LZTR1: variants seen among roughly 807,000 people sequenced by gnomAD.
The protein encoded by LZTR1 is leucine zipper like post translational regulator 1, also known as leucine-zipper-like transcriptional regulator 1.
LZTR1 carries 260 observed loss-of-function variants against 105.7 expected under a neutral mutation model. The ratio of observed to expected loss-of-function variants is 2.46; its 90% CI spans 2.22 to 2.72. The LOEUF is 2.72. Ranked by LOEUF, LZTR1 falls within the 30% of genes most tolerant of loss-of-function variation. LZTR1 has a pLI of 0.00. For synonymous variants in LZTR1, 490 were observed against 476.4 expected (o/e 1.03, Z -0.37); for missense variants, 1,214 against 1,166.9 (o/e 1.04, Z -0.59).
chr22:20,991,937 C>G, intron 9 of LZTR1, 108 bp downstream of exon 9: 1 of 1,099,998 alleles, frequency 9.1e-7, no homozygotes, highest in South Asian at 1.6e-5. Flanking sequence ...TTCCAGACAG[C>G]TACCAGGAGC....
In LZTR1 at chr22:20,992,262, C is replaced by T. The variant is rs767839536; in HGVS notation, c.1042C>T (p.Pro348Ser). The change falls in exon 10 of 21, where the codon CCC (proline) becomes TCC (serine). Residue 348 changes from proline (P) to serine (S), a missense_variant. Physicochemically the swap from Pro to Ser is moderately conservative, Grantham distance 74. Transcript: ENST00000646124. ...GCGAGCCTGTGCTTCCGAGGAGGTG[C>T]CCACCCTGACCTATGAGGAGCGGGT... ...PERACASEEV[P>S]TLTYEERVGF... 8 of 1,613,884 alleles carry T rather than the reference C, an allele frequency of 5.0e-6. No homozygotes were observed. Among genetic ancestry groups the T allele is most frequent in the African/African-American group, 4.0e-5 (3 of 74,928 alleles).
rs1359944207 is a variant in LZTR1 at position 20,988,798 on chromosome 22, C to T, written c.519C>T (p.Val173=). The change falls in exon 6 of 21, where the codon GTC becomes GTT. Residue 173 remains valine (V), a synonymous_variant. Coordinates refer to ENST00000646124, the MANE Select transcript of LZTR1 (RefSeq NM_006767.4). ...TTCCCTCACACTCCAGGTTGCCAGTCGCTAGGTCAGCCCATGGGGCCACGG... is the reference window on the plus strand; with the variant it reads ...TTCCCTCACACTCCAGGTTGCCAGTTGCTAGGTCAGCCCATGGGGCCACGG... ...TEWKIEGRLP[V]ARSAHGATVY... 11 of 1,613,764 alleles carry T rather than the reference C, an allele frequency of 6.8e-6. No individual in the cohort carries two copies. Among genetic ancestry groups the T allele is most frequent in the South Asian group, 2.2e-5 (2 of 91,052 alleles).
At chr22:20,983,784 G>A (rs575323415) in intron 2 of LZTR1, among the ~76,000 whole-genome samples, 1 of 152,338 alleles carries the variant, frequency 6.6e-6, no homozygotes, top group Non-Finnish European at 1.5e-5. Context: ...ATACTGGGCA[G>A]AAGAGCCTCC....
At position 20,997,416 on chromosome 22, in the gene LZTR1, C is replaced by A; in HGVS notation, c.*68C>A. ...CCTGCCCTGCCTACTGAGAAGACTA[C>A]CGGCTATGCGCATGCCTATGGCAGT... On this transcript the variant is annotated 3_prime_UTR_variant, in exon 21 of 21. Transcript: ENST00000646124. 1 of 1,195,160 alleles carries A rather than the reference C, an allele frequency of 8.4e-7. No homozygotes were observed. The highest frequency in any genetic ancestry group is 1.2e-6 in the Non-Finnish European group (1 of 803,360). The allele number at this position is 1,195,160 out of a possible 1,614,324, so 74.0% of individuals were successfully genotyped here.
At chr22:20,987,810 G>A (rs1924450486) in intron 4 of LZTR1, among the ~76,000 whole-genome samples, 200 bp from the exon 5 acceptor site, 1 of 152,228 alleles carries the variant, frequency 6.6e-6, no homozygotes, top group South Asian at 2.1e-4. Flanking sequence ...ACTGAGCTGT[G>A]GCTGGGAACA....
chr22:20,990,257 A>G (rs1924553443), intron 7 of LZTR1, 129 bp from the exon 8 acceptor site: 2 of 1,073,264 alleles, frequency 1.9e-6, no homozygotes, highest in Non-Finnish European at 2.8e-6. Flanking sequence ...TTCCAAGACA[A>G]AGGAATCTGT....
chr22:20,992,150 G>A, intron 9 of LZTR1, 64 bp from the exon 10 acceptor site: 2 of 1,504,096 alleles, frequency 1.3e-6, no homozygotes, highest in South Asian at 1.2e-5. Context: ...GGATGGTGGG[G>A]GTCTCTGGGC....
At chr22:20,987,655 T>C in intron 4 of LZTR1, 72 bp downstream of exon 4, 1 of 1,363,880 alleles carries the variant, frequency 7.3e-7, no homozygotes, top group Non-Finnish European at 1.1e-6. Context: ...TCTGCAGGCC[T>C]GGGGCATTTG....
chr22:20,985,944 A>AGTG (rs1194911714), intron 3 of LZTR1, 47 bp downstream of exon 3: 1 of 1,573,418 alleles, frequency 6.4e-7, no homozygotes, highest in Non-Finnish European at 8.7e-7. Context: ...CCTAGAACAC[A>AGTG]GTGGCACAGT....
intron 5 of LZTR1, 128 bp downstream of exon 5, chr22:20,988,246 T>A: frequency 1.6e-6 from 1 of 644,104 alleles, no homozygotes; most frequent in Non-Finnish European, 2.8e-6. Context: ...TTGGGATTGG[T>A]GGAATATCCC....
chr22:20,983,968 G>A (rs977915390), intron 2 of LZTR1, among the ~76,000 whole-genome samples: 1 of 152,202 alleles, frequency 6.6e-6, no homozygotes, highest in Non-Finnish European at 1.5e-5. Flanking sequence ...AGAGTCTGCT[G>A]CTCCTCTGCC....
In LZTR1 at chr22:20,991,800, G is replaced by A; in HGVS notation, c.964G>A (p.Glu322Lys). 6.4e-7 allele frequency: 1 copy of A among 1,551,510 alleles called. No homozygotes were observed. Among genetic ancestry groups the A allele is most frequent in the Non-Finnish European group, 8.7e-7 (1 of 1,147,332 alleles). The change falls in exon 9 of 21, where the codon GAG (glutamate) becomes AAG (lysine). Residue 322 changes from glutamate (E) to lysine (K), a missense_variant. Coordinates refer to ENST00000646124, the MANE Select transcript of LZTR1 (RefSeq NM_006767.4). ...HCYDVDFQTW[E>K]VVQPSSDSEV... Reference sequence around the variant, plus strand: ...CTATGACGTGGACTTCCAGACCTGGGAGGTCGTCCAGCCCAGCTCCGACAG... The same window carrying A: ...CTATGACGTGGACTTCCAGACCTGGAAGGTCGTCCAGCCCAGCTCCGACAG...
rs1169088155 is a variant in LZTR1, at chr22:20,992,284, G to A, written c.1064G>A (p.Arg355Gln). The change falls in exon 10 of 21, where the codon CGG (arginine) becomes CAG (glutamine). Residue 355 changes from arginine (R) to glutamine (Q), a missense_variant. Arg to Gln is a conservative substitution (Grantham distance 43, BLOSUM62 1). Transcript: ENST00000646124. ...GTGCCCACCCTGACCTATGAGGAGC[G>A]GGTTGGCTTCAAGAAGTCCCGAGAT... is the stretch of plus-strand genomic sequence containing the variant. ...EEVPTLTYEE[R>Q]VGFKKSRDVF... 3.7e-6 allele frequency: 6 copies of A among 1,613,836 alleles called. No homozygotes were observed. The highest frequency in any genetic ancestry group is 5.1e-6 in the Non-Finnish European group (6 of 1,179,958).
chr22:20,996,289 C>T, intron 18 of LZTR1, 177 bp downstream of exon 18: 1 of 696,520 alleles, frequency 1.4e-6, no homozygotes, highest in African/African-American at 1.8e-5. Context: ...CAGTTGGCAG[C>T]TGGCAAGGAG....
intron 2 of LZTR1, among the ~76,000 whole-genome samples, chr22:20,984,915 T>C (rs915354855): frequency 6.6e-6 from 1 of 152,188 alleles, no homozygotes; most frequent in African/African-American, 2.4e-5. Context: ...TTTGATTGTA[T>C]GGCTTTTGCA....
chr22:20,994,135 G>C lies in LZTR1; in HGVS notation c.1481G>C (p.Arg494Thr), dbSNP rs1292361888. The C allele has an allele frequency of 6.3e-7, 1 of 1,589,582 alleles. No individual in the cohort carries two copies. Among genetic ancestry groups the C allele is most frequent in the Non-Finnish European group, 8.6e-7 (1 of 1,166,922 alleles). ...GAGCAGGAGGCCGCCCCAGTTCCCA[G>C]GGAGGCCCCCGGCGTGGCTGCTGGT... The part of the protein sequence containing the change: ...KLEQEAAPVP[R>T]EAPGVAAGGA... The change falls in exon 14 of 21, where the codon AGG (arginine) becomes ACG (threonine). Residue 494 changes from arginine to threonine, a missense_variant. By Grantham distance (71) the Arg-to-Thr change is moderately conservative. Transcript: ENST00000646124.
At chr22:20,991,460 A>G (rs1924601096) in intron 8 of LZTR1, 168 bp from the exon 9 acceptor site, 3 of 602,718 alleles carry the variant, frequency 5.0e-6, no homozygotes, top group Admixed American at 3.1e-5. Context: ...CCCGTGCTGG[A>G]TGGGGTGAGA....
At chr22:20,996,653 G>A (rs1476620259) in intron 18 of LZTR1, 43 bp from the exon 19 acceptor site, 5 of 1,559,380 alleles carry the variant, frequency 3.2e-6, no homozygotes, top group Admixed American at 1.7e-5. Flanking sequence ...GGAGGGTGCG[G>A]GCGGACCAGC....
At position 20,989,657 on chromosome 22, in the gene LZTR1, A is replaced by AC. The variant is rs1457594219; in HGVS notation, c.628dup (p.Arg210ProfsTer50). ...GACATGTGGACAATTGGCCTCCAGGACCGAGAGCTCACCTGCTGGGAGGAG... is the reference window on the plus strand; with the variant it reads ...GACATGTGGACAATTGGCCTCCAGGACCCGAGAGCTCACCTGCTGGGAGGAG... On this transcript the variant is annotated frameshift_variant, in exon 7 of 21. Coordinates refer to ENST00000646124, the MANE Select transcript of LZTR1 (RefSeq NM_006767.4). LOFTEE classifies it high-confidence loss of function. 2 of 1,613,090 alleles carry AC rather than the reference A, an allele frequency of 1.2e-6. No individual in the cohort carries two copies. Among genetic ancestry groups the AC allele is most frequent in the African/African-American group, 2.7e-5 (2 of 74,810 alleles).
Sources: gnomAD v4.1 joint callset for allele counts (sites outside exome capture counted in the v4.1 genomes callset) on GRCh38, gnomAD v4.1.1 for gene constraint, MANE v1.5 for transcripts, NCBI Gene and HGNC (gene_info 2026-07-23, HGNC 2026-07-21) for gene names.